VKORC1L1: variants seen among roughly 807,000 people sequenced by gnomAD.
VKORC1L1 encodes vitamin K epoxide reductase complex subunit 1-like protein 1.
In VKORC1L1, 2 loss-of-function variants were observed where a neutral mutation model predicts 18.9. The observed-to-expected ratio is 0.11, with a 90% confidence interval of 0.04 to 0.33. The LOEUF is 0.33. Ranked by LOEUF, VKORC1L1 falls within the 10% of genes least tolerant of loss-of-function variation. The probability of loss-of-function intolerance (pLI) is 1.00; values close to 1 mark genes in which losing one functional copy is unlikely to be tolerated. For synonymous variants in VKORC1L1, 96 were observed against 100.0 expected (o/e 0.96, Z 0.24); for missense variants, 123 against 224.1 (o/e 0.55, Z 2.88).
intron 1 of VKORC1L1, among the ~76,000 whole-genome samples, chr7:65,928,985 T>C (rs1789812315): frequency 2.0e-5 from 3 of 152,216 alleles, no homozygotes; most frequent in Admixed American, 2.0e-4. Context: ...CTCTAATAAC[T>C]AAAGATAATG....
chr7:65,904,542 G>A (rs1460149361), intron 1 of VKORC1L1, among the ~76,000 whole-genome samples: 2 of 152,066 alleles, frequency 1.3e-5, no homozygotes, highest in Non-Finnish European at 2.9e-5. Flanking sequence ...ACATGGAGTG[G>A]TATACTTCAC....
chr7:65,933,311 T>C (rs1187165495), intron 1 of VKORC1L1, among the ~76,000 whole-genome samples: 1 of 152,142 alleles, frequency 6.6e-6, no homozygotes, highest in African/African-American at 2.4e-5. Context: ...GGAGTTCTCT[T>C]ATTAGATTTC....
At chr7:65,925,284 G>A (rs1043780540) in intron 1 of VKORC1L1, among the ~76,000 whole-genome samples, 5 of 152,122 alleles carry the variant, frequency 3.3e-5, no homozygotes, top group South Asian at 4.2e-4. Flanking sequence ...CTGGAAACCC[G>A]GGAGTCAGTC....
At chr7:65,896,214 T>C (rs1010098490) in intron 1 of VKORC1L1, among the ~76,000 whole-genome samples, 1 of 152,068 alleles carries the variant, frequency 6.6e-6, no homozygotes, top group Non-Finnish European at 1.5e-5. Flanking sequence ...ATTATCTCAC[T>C]TCTTTTGTTT....
At chr7:65,891,647 G>T (rs558649021) in intron 1 of VKORC1L1, among the ~76,000 whole-genome samples, 2 of 151,944 alleles carry the variant, frequency 1.3e-5, no homozygotes, top group East Asian at 1.9e-4. Flanking sequence ...TTCACTAACA[G>T]AATTTTTTTT....
At chr7:65,948,820 C>T (rs370817965) in intron 2 of VKORC1L1, 40 bp downstream of exon 2, 141 of 1,096,396 alleles carry the variant, frequency 1.3e-4, no homozygotes, top group African/African-American at 1.3e-3. Context: ...TGTTATATTC[C>T]GTTTAGTACT....
chr7:65,878,234 T>C (rs1383299454), intron 1 of VKORC1L1, among the ~76,000 whole-genome samples: 2 of 151,232 alleles, frequency 1.3e-5, no homozygotes, highest in African/African-American at 4.9e-5. Context: ...TCACCTGAGT[T>C]CAGGAGTTTG....
At chr7:65,894,998 T>A (rs2116369860) in intron 1 of VKORC1L1, among the ~76,000 whole-genome samples, 1 of 152,370 alleles carries the variant, frequency 6.6e-6, no homozygotes, top group African/African-American at 2.4e-5. Context: ...AAAACATATT[T>A]TGTTCTTGAA....
chr7:65,873,647 C>G, intron 1 of VKORC1L1, 82 bp downstream of exon 1: 7 of 1,286,464 alleles, frequency 5.4e-6, no homozygotes, highest in Non-Finnish European at 6.0e-6. Flanking sequence ...GCGGCGGGAG[C>G]TCAGGCCTGG....
chr7:65,881,679 G>A (rs977878518), intron 1 of VKORC1L1, among the ~76,000 whole-genome samples: 1 of 152,232 alleles, frequency 6.6e-6, no homozygotes, highest in Admixed American at 6.5e-5. Context: ...TACAAAACTG[G>A]TGAAACCTGA....
chr7:65,875,311 A>G (rs1324320672), intron 1 of VKORC1L1, among the ~76,000 whole-genome samples: 1 of 152,224 alleles, frequency 6.6e-6, no homozygotes, highest in Non-Finnish European at 1.5e-5. Flanking sequence ...TCACATATGT[A>G]TATATACATA....
intron 1 of VKORC1L1, among the ~76,000 whole-genome samples, chr7:65,934,396 A>T (rs566251042): frequency 8.2e-4 from 125 of 152,314 alleles, no homozygotes; most frequent in Non-Finnish European, 1.6e-3. Context: ...AGAACATTCG[A>T]AATTTATTCT....
rs552648089 is a variant in VKORC1L1, at chr7:65,937,557, C to T, written c.195-11114C>T. 2.6e-3 allele frequency among the ~76,000 whole-genome samples: 389 copies of T among 152,250 alleles called. 1 individual carries two copies. The highest frequency in any genetic ancestry group is 8.6e-3 in the African/African-American group (359 of 41,556). Reference sequence around the variant, plus strand: ...TACAGGTGTGTGCCACTACATCCAGCTAATTTTTTTTGGTGGTGGTTTGTT... The same window carrying T: ...TACAGGTGTGTGCCACTACATCCAGTTAATTTTTTTTGGTGGTGGTTTGTT... On this transcript the variant is annotated intron_variant, in intron 1 of 2. Transcript: ENST00000360768.
At chr7:65,908,091 A>G (rs558918710) in intron 1 of VKORC1L1, among the ~76,000 whole-genome samples, 1 of 152,264 alleles carries the variant, frequency 6.6e-6, no homozygotes, top group East Asian at 1.9e-4. Context: ...ATACCCTTCA[A>G]ATTTGTATTA....
At chr7:65,880,434 G>A (rs1214009980) in intron 1 of VKORC1L1, among the ~76,000 whole-genome samples, 12 of 152,128 alleles carry the variant, frequency 7.9e-5, no homozygotes, top group Non-Finnish European at 1.3e-4. Context: ...ACAGATAGAC[G>A]GTGTAGTGAG....
rs1788760356 is a variant in VKORC1L1, at chr7:65,873,297, G to GCGGCA, written c.-75_-74insCGGCA. The GCGGCA allele has an allele frequency of 9.2e-7, 1 of 1,092,282 alleles. No homozygotes were observed. Among genetic ancestry groups the GCGGCA allele is most frequent in the Non-Finnish European group, 1.1e-6 (1 of 898,762 alleles). 67.7% of individuals were successfully genotyped at this position (1,092,282 alleles called of 1,614,324 possible). A position where few individuals can be genotyped will look rare whatever the true frequency, so the allele number is the denominator to read the frequency against. ...CGGAGGCGGCGGTGGCGGCGGTGGC[G>GCGGCA]GCTGGGTCGGGCCCCGACGGGCGGC... On this transcript the variant is annotated 5_prime_UTR_variant, in exon 1 of 3. Transcript: ENST00000360768.
chr7:65,891,978 C>T (rs1789117177), intron 1 of VKORC1L1, among the ~76,000 whole-genome samples: 1 of 152,188 alleles, frequency 6.6e-6, no homozygotes, highest in South Asian at 2.1e-4. Flanking sequence ...GTCCTTTACT[C>T]TGTCTACATG....
chr7:65,895,516 T>TATATAC (rs370356956), intron 1 of VKORC1L1, among the ~76,000 whole-genome samples: 104 of 71,516 alleles, frequency 1.5e-3, no homozygotes, highest in Non-Finnish European at 2.3e-3. Context: ...TATATATATA[T>TATATAC]ACACACACAC....
chr7:65,874,251 A>G (rs1003512395), intron 1 of VKORC1L1, among the ~76,000 whole-genome samples: 5 of 152,072 alleles, frequency 3.3e-5, no homozygotes, highest in African/African-American at 1.2e-4. Flanking sequence ...CGTATGTTTC[A>G]GTGTGCCAGG....
Sources: gnomAD v4.1 joint callset for allele counts (sites outside exome capture counted in the v4.1 genomes callset) on GRCh38, gnomAD v4.1.1 for gene constraint, MANE v1.5 for transcripts, NCBI Gene and HGNC (gene_info 2026-07-23, HGNC 2026-07-21) for gene names.